ACOXL: variants seen among roughly 807,000 people sequenced by gnomAD.
ACOXL encodes the protein acyl-coenzyme A oxidase-like protein.
ACOXL carries 70 observed loss-of-function variants against 71.9 expected under a neutral mutation model. That is an observed-to-expected ratio of 0.97 (90% CI 0.80 to 1.19). The LOEUF is 1.19. ACOXL is among the 50% of genes most tolerant of loss of function. ACOXL has a pLI of 0.00. For missense variants in ACOXL, 703 were observed against 736.3 expected, an observed-to-expected ratio of 0.95 and a Z score of 0.52; for synonymous variants, 253 against 281.6, an observed-to-expected ratio of 0.90 and a Z score of 1.02.
intron 2 of ACOXL, among the ~76,000 whole-genome samples, chr2:110,769,209 C>T (rs1681534186): frequency 6.8e-6 from 1 of 145,998 alleles, no homozygotes; most frequent in South Asian, 2.1e-4. Context: ...TTATTTTAGT[C>T]AATTTAGCCT....
intron 10 of ACOXL, among the ~76,000 whole-genome samples, chr2:110,879,350 C>T (rs949286702): frequency 3.9e-5 from 6 of 152,114 alleles, no homozygotes; most frequent in African/African-American, 1.2e-4. Context: ...GGCAGATGTC[C>T]GTGCCATGGA....
chr2:110,913,048 A>T (rs1298863833), intron 11 of ACOXL, among the ~76,000 whole-genome samples: 1 of 152,236 alleles, frequency 6.6e-6, no homozygotes, highest in Non-Finnish European at 1.5e-5. Flanking sequence ...AAATCAAAAC[A>T]GCAATCAGAT....
At chr2:110,777,558 G>T (rs1168075231) in intron 2 of ACOXL, among the ~76,000 whole-genome samples, 3 of 152,180 alleles carry the variant, frequency 2.0e-5, no homozygotes, top group Non-Finnish European at 4.4e-5. Flanking sequence ...GAGTCTTTCT[G>T]TTGTGATGGG....
chr2:111,114,348 C>T (rs1446033846), intron 17 of ACOXL: 1 of 152,252 alleles, frequency 6.6e-6, no homozygotes, highest in African/African-American at 2.4e-5. Flanking sequence ...ATGGGGGATT[C>T]AAAGCTTCTT....
intron 15 of ACOXL, among the ~76,000 whole-genome samples, chr2:111,047,169 G>C (rs1356075419): frequency 6.6e-6 from 1 of 152,204 alleles, no homozygotes; most frequent in Non-Finnish European, 1.5e-5. Context: ...GGCTGGCTTG[G>C]TATGGAAGTT....
chr2:110,908,500 T>C (rs960514145), intron 10 of ACOXL, among the ~76,000 whole-genome samples: 41 of 152,318 alleles, frequency 2.7e-4, no homozygotes, highest in African/African-American at 9.4e-4. Flanking sequence ...AACTATAAAA[T>C]GTCATGTAAA....
intron 14 of ACOXL, among the ~76,000 whole-genome samples, chr2:111,024,237 T>G (rs2064912110): frequency 6.6e-6 from 1 of 152,208 alleles, no homozygotes; most frequent in African/African-American, 2.4e-5. Context: ...TTGAAAAAGA[T>G]ATGTTCAAGT....
intron 2 of ACOXL, among the ~76,000 whole-genome samples, chr2:110,780,643 C>T (rs990986160): frequency 2.6e-5 from 4 of 152,144 alleles, no homozygotes; most frequent in African/African-American, 7.2e-5. Flanking sequence ...ATAGATGCCT[C>T]ATTTGCATGG....
intron 10 of ACOXL, among the ~76,000 whole-genome samples, chr2:110,883,824 C>T (rs1414078617): frequency 6.6e-6 from 1 of 152,108 alleles, no homozygotes; most frequent in African/African-American, 2.4e-5. Context: ...TAGAAATGTA[C>T]TTAAAGACAT....
chr2:110,741,819 C>T (rs141684562), intron 1 of ACOXL, among the ~76,000 whole-genome samples: 17 of 152,254 alleles, frequency 1.1e-4, no homozygotes, highest in Middle Eastern at 3.4e-3. Context: ...TGCTTTTGCA[C>T]GCAAGCACTC....
At chr2:111,097,330 T>C (rs950896656) in intron 17 of ACOXL, among the ~76,000 whole-genome samples, 1 of 152,224 alleles carries the variant, frequency 6.6e-6, no homozygotes, top group African/African-American at 2.4e-5. Context: ...TTCATTACTC[T>C]TACACAGAGA....
chr2:111,049,415 G>C (rs1439773297), intron 16 of ACOXL, 127 bp downstream of exon 16: 3 of 737,982 alleles, frequency 4.1e-6, no homozygotes, highest in African/African-American at 1.8e-5. Flanking sequence ...AGGGGGATAA[G>C]CTTGTCATAG....
At chr2:110,865,712 G>A (rs1283625598) in intron 10 of ACOXL, among the ~76,000 whole-genome samples, 2 of 152,286 alleles carry the variant, frequency 1.3e-5, no homozygotes, top group South Asian at 2.1e-4. Flanking sequence ...TTTAATGTGT[G>A]TGTTTCCAGA....
rs184105555 is a variant in ACOXL, at chr2:110,906,788, G to A, written c.789-2001G>A. ...GGTTTTCTCCATGTCCCAGGCTCTG[G>A]GCTCAGTGGCTGGGACTCAGCCTTC... On this transcript the variant is annotated intron_variant, in intron 10 of 17. Coordinates refer to ENST00000439055, the MANE Select transcript of ACOXL (RefSeq NM_001142807.4). Among the ~76,000 whole-genome samples, 394 of 152,220 alleles carry A rather than the reference G, an allele frequency of 2.6e-3. 5 individuals carry two copies. The highest frequency in any genetic ancestry group is 8.3e-3 in the African/African-American group (346 of 41,544).
rs1676316320 is a variant in ACOXL, at chr2:110,732,705, G to A, written c.-92G>A. 6.6e-6 allele frequency: 1 copy of A among 152,536 alleles called. No homozygotes were observed. Among genetic ancestry groups the A allele is most frequent in the Non-Finnish European group, 1.5e-5 (1 of 68,086 alleles). The allele number at this position is 152,536 out of a possible 1,614,324, so 9.4% of individuals were successfully genotyped here. ...GGACTCCTCCCTGCACCGCTACCTG[G>A]ACGGCGACTTCTGGAGCCTCAAGAA... On this transcript the variant is annotated 5_prime_UTR_variant, in exon 1 of 18. Transcript: ENST00000439055.
chr2:111,020,719 A>G (rs192571383), intron 14 of ACOXL, among the ~76,000 whole-genome samples: 2 of 152,308 alleles, frequency 1.3e-5, no homozygotes, highest in African/African-American at 4.8e-5. Flanking sequence ...TTTGTGAACA[A>G]TGATGTGGGC....
At position 110,827,927 on chromosome 2, in the gene ACOXL, A is replaced by C. The variant is rs896221888; in HGVS notation, c.754-13444A>C. ...TTCTTAACTGCGATTTTTAATGGCA[A>C]CAAAATATTGAGTTAAAAGTCTTAT... is the stretch of plus-strand genomic sequence containing the variant. On this transcript the variant is annotated intron_variant, in intron 9 of 17. Coordinates refer to ENST00000439055, the MANE Select transcript of ACOXL (RefSeq NM_001142807.4). Among the ~76,000 whole-genome samples, 79 of 152,224 alleles carry C rather than the reference A, an allele frequency of 5.2e-4. 1 individual carries two copies. Among genetic ancestry groups the C allele is most frequent in the Admixed American group, 5.2e-3 (79 of 15,282 alleles).
At chr2:110,948,873 C>G (rs1370158730) in intron 12 of ACOXL, among the ~76,000 whole-genome samples, 1 of 151,912 alleles carries the variant, frequency 6.6e-6, no homozygotes, top group Non-Finnish European at 1.5e-5. Context: ...GGGGGTCTCC[C>G]CTCCAACCTG....
chr2:110,927,211 C>T (rs1380605934), intron 11 of ACOXL, among the ~76,000 whole-genome samples: 2 of 152,162 alleles, frequency 1.3e-5, no homozygotes, highest in African/African-American at 2.4e-5. Flanking sequence ...CTCACTATCA[C>T]AAAAACAGCA....
Sources: allele counts gnomAD v4.1 joint callset (sites outside exome capture counted in the v4.1 genomes callset), GRCh38; gene constraint gnomAD v4.1.1; transcripts MANE v1.5; gene names NCBI Gene and HGNC (gene_info 2026-07-23, HGNC 2026-07-21).